Variants in GNPDA1 observed in about 807,000 individuals in gnomAD.
The protein encoded by GNPDA1 is glucosamine-6-phosphate deaminase 1, also known as GNPDA 1.
A neutral mutation model predicts 28.5 loss-of-function variants in GNPDA1; 24 were observed. The observed-to-expected ratio is 0.84, with a 90% CI of 0.61 to 1.19. The LOEUF (loss-of-function observed/expected upper bound fraction) is 1.19, where lower values mean the gene tolerates loss of function less well. Ranked by LOEUF, GNPDA1 falls within the 50% of genes most tolerant of loss-of-function variation. GNPDA1 has a pLI of 0.00. For synonymous variants in GNPDA1, 147 were observed against 139.3 expected (o/e 1.06, Z -0.39); for missense variants, 264 against 367.3 (o/e 0.72, Z 2.30).
chr5:142,012,745 G>A (rs1194643112), intron 1 of GNPDA1: 30 of 965,136 alleles, frequency 3.1e-5, no homozygotes, highest in Non-Finnish European at 3.7e-5. Flanking sequence ...CCAGAAGGAG[G>A]ACATTTTGTT....
rs1274439881 is a variant in GNPDA1 at position 142,001,868 on chromosome 5, C to T, written c.*161G>A. On this transcript the variant is annotated 3_prime_UTR_variant, in exon 7 of 7. Transcript: ENST00000311337. ...CAAACATTCTCCCTATAGCTAAACT[C>T]CGTGACTAGGCTCCCAGCCTCATGG... 1 of 442,930 alleles carries T rather than the reference C, an allele frequency of 2.3e-6. No homozygotes were observed. Among genetic ancestry groups the T allele is most frequent in the Non-Finnish European group, 4.0e-6 (1 of 248,828 alleles). The allele number at this position is 442,930 out of a possible 1,614,324, so 27.4% of individuals were successfully genotyped here. A position where few individuals can be genotyped will look rare whatever the true frequency, so the allele number is the denominator to read the frequency against.
In GNPDA1 at chr5:142,004,966, G is replaced by A. The variant is rs746621093; in HGVS notation, c.560C>T (p.Thr187Met). ...ELTKVPTMALTVGVGTVMDAR... is the reference protein window; with the variant it reads ...ELTKVPTMALMVGVGTVMDAR... ...ATCCATGACAGTGCCCACCCCCACC[G>A]TCAAGGCCATGGTGGGCACCTTGGT... Residue 187 changes from threonine (T) to methionine (M), a missense_variant, in exon 5 of 7, where the codon ACG (threonine) becomes ATG (methionine). Coordinates refer to ENST00000311337, the MANE Select transcript of GNPDA1 (RefSeq NM_005471.5). 22 of 1,610,986 alleles carry A rather than the reference G, an allele frequency of 1.4e-5. No homozygotes were observed. The highest frequency in any genetic ancestry group is 8.8e-5 in the South Asian group (8 of 90,930).
At chr5:142,004,576 A>G (rs1054768418) in intron 5 of GNPDA1, among the ~76,000 whole-genome samples, 37 of 152,358 alleles carry the variant, frequency 2.4e-4, no homozygotes, top group Non-Finnish European at 4.3e-4. Context: ...AACTACAAGG[A>G]ACAAGGGAAC....
At position 142,003,262 on chromosome 5, in the gene GNPDA1, C is replaced by T; in HGVS notation, c.595G>A (p.Val199Met). 1 of 1,605,716 alleles carries T rather than the reference C, an allele frequency of 6.2e-7. No individual in the cohort carries two copies. Among genetic ancestry groups the T allele is most frequent in the Non-Finnish European group, 8.5e-7 (1 of 1,174,508 alleles). The change falls in exon 6 of 7, where the codon GTG becomes ATG. Residue 199 changes from valine (V) to methionine (M), a missense_variant and splice_region_variant. Physicochemically the swap from Val to Met is conservative, Grantham distance 21. Coordinates refer to ENST00000311337, the MANE Select transcript of GNPDA1 (RefSeq NM_005471.5). This position sits in a 1 kb window ranked among gnomAD's most constrained non-coding sequence, Gnocchi z 4.0. ...TGAGCACCTGTGATAAGGATCATCA[C>T]CTGGGGATCAGAAAACAAGTCTGTG... is the stretch of plus-strand genomic sequence containing the variant. ...GVGTVMDAREVMILITGAHKA... is the reference protein window; with the variant it reads ...GVGTVMDAREMMILITGAHKA...
In GNPDA1 at chr5:142,003,198, A is replaced by G; in HGVS notation, c.659T>C (p.Val220Ala). 1 of 1,613,600 alleles carries G rather than the reference A, an allele frequency of 6.2e-7. No homozygotes were observed. Among genetic ancestry groups the G allele is most frequent in the South Asian group, 1.1e-5 (1 of 91,072 alleles). ...FALYKAIEEGVNHMWTVSAFQ... is the reference protein window; with the variant it reads ...FALYKAIEEGANHMWTVSAFQ... The stretch of plus-strand genomic sequence containing the variant: ...GGCAGACACGGTCCACATGTGGTTC[A>G]CTCCCTCCTCGATGGCCTTGTACAG... Residue 220 changes from valine (V) to alanine (A), a missense_variant, in exon 6 of 7, where the codon GTG (valine) becomes GCG (alanine). By Grantham distance (64) the Val-to-Ala change is moderately conservative. Transcript: ENST00000311337. This position sits in a 1 kb window ranked among gnomAD's most constrained non-coding sequence, Gnocchi z 4.0.
Position 142,011,842 on chromosome 5 carries a change from GGT to G in GNPDA1, c.124+68_124+69del, listed in dbSNP as rs779262769. On this transcript the variant is annotated intron_variant, in intron 2 of 6. Transcript: ENST00000311337. ...GTGAAGTCCCTTGGCTGAGTGAGCCGGTGTACCTGGCCCCTGTTGCCTACTCT... is the reference window on the plus strand; with the variant it reads ...GTGAAGTCCCTTGGCTGAGTGAGCCGGTACCTGGCCCCTGTTGCCTACTCT... The G allele has an allele frequency of 5.8e-6, 9 of 1,564,286 alleles. No homozygotes were observed. In the South Asian group the frequency reaches 8.9e-5, roughly 15 times the overall value.
At chr5:142,011,670 A>G (rs112467838) in intron 2 of GNPDA1, among the ~76,000 whole-genome samples, 40 of 152,300 alleles carry the variant, frequency 2.6e-4, no homozygotes, top group African/African-American at 9.1e-4. Flanking sequence ...CCTAAAAATC[A>G]AATTCTTCCT....
chr5:142,004,476 T>C (rs1031257142), intron 5 of GNPDA1, among the ~76,000 whole-genome samples: 3 of 152,254 alleles, frequency 2.0e-5, no homozygotes, highest in African/African-American at 2.4e-5. Flanking sequence ...AAAACACTTA[T>C]ATTTTAATCA....
intron 1 of GNPDA1, 35 bp from the exon 2 acceptor site, chr5:142,012,076 C>G: frequency 6.4e-7 from 1 of 1,566,350 alleles, no homozygotes; most frequent in Non-Finnish European, 8.7e-7. Context: ...AGAAAGGAAT[C>G]AATGGTAAGG....
intron 1 of GNPDA1, chr5:142,012,649 G>C (rs1755992026): frequency 5.1e-6 from 3 of 588,926 alleles, no homozygotes; most frequent in Admixed American, 6.3e-5. Context: ...ACTAGCGGAG[G>C]GGTCTTCCTA....
Position 142,003,802 on chromosome 5 carries a change from G to A in GNPDA1, c.595-540C>T, listed in dbSNP as rs146323454. ...CCTATGAACTAATGTGACTTGGGGT[G>A]ATGGTTTTTGTTAATATATAATAAA... On this transcript the variant is annotated intron_variant, in intron 5 of 6. Coordinates refer to ENST00000311337, the MANE Select transcript of GNPDA1 (RefSeq NM_005471.5). This position sits in a 1 kb window ranked among gnomAD's most constrained non-coding sequence, Gnocchi z 4.0. 2.6e-5 allele frequency among the ~76,000 whole-genome samples: 4 copies of A among 152,202 alleles called. No individual in the cohort carries two copies. The highest frequency in any genetic ancestry group is 9.7e-5 in the African/African-American group (4 of 41,440).
At chr5:142,009,040 A>C (rs372325993) in intron 2 of GNPDA1, among the ~76,000 whole-genome samples, 2 of 150,726 alleles carry the variant, frequency 1.3e-5, no homozygotes, top group African/African-American at 4.9e-5. Context: ...ACTTATTTTC[A>C]TGTGGTTCAG....
chr5:142,004,966 G>T lies in GNPDA1; in HGVS notation c.560C>A (p.Thr187Lys). The T allele has an allele frequency of 6.2e-7, 1 of 1,611,108 alleles. No individual in the cohort carries two copies. The highest frequency in any genetic ancestry group is 8.5e-7 in the Non-Finnish European group (1 of 1,177,632). ...ATCCATGACAGTGCCCACCCCCACC[G>T]TCAAGGCCATGGTGGGCACCTTGGT... Reference protein sequence around the residue: ...ELTKVPTMALTVGVGTVMDAR... With the variant: ...ELTKVPTMALKVGVGTVMDAR... The change falls in exon 5 of 7, where the codon ACG becomes AAG. Residue 187 changes from threonine to lysine, a missense_variant. Physicochemically the swap from Thr to Lys is moderately conservative, Grantham distance 78 (BLOSUM62 -1). Transcript: ENST00000311337.
Position 142,005,296 on chromosome 5 carries a change from T to C in GNPDA1, c.410-180A>G. ...ATGTGATCTGTCCCCCTCCCTACCA[T>C]TTCTTTCTCTTTGCCATACTGTCTC... is the stretch of plus-strand genomic sequence containing the variant. On this transcript the variant is annotated intron_variant, in intron 4 of 6. Coordinates refer to ENST00000311337, the MANE Select transcript of GNPDA1 (RefSeq NM_005471.5). 7 of 495,326 alleles carry C rather than the reference T, an allele frequency of 1.4e-5. No homozygotes were observed. The South Asian group carries it at 2.2e-4, about 16-fold the overall frequency. The allele number at this position is 495,326 out of a possible 1,614,324, so 30.7% of individuals were successfully genotyped here.
In GNPDA1 at chr5:142,005,092, G is replaced by A; in HGVS notation, c.434C>T (p.Ala145Val). 1 of 1,609,882 alleles carries A rather than the reference G, an allele frequency of 6.2e-7. No homozygotes were observed. The highest frequency in any genetic ancestry group is 8.5e-7 in the Non-Finnish European group (1 of 1,176,530). ...VGGIGPDGHIAFNEPGSSLVS... is the reference protein window; with the variant it reads ...VGGIGPDGHIVFNEPGSSLVS... Reference sequence around the variant, plus strand: ...CAGACTGGAGCCTGGCTCGTTGAAGGCAATGTGTCCATCAGGGCCGATGCC... The same window carrying A: ...CAGACTGGAGCCTGGCTCGTTGAAGACAATGTGTCCATCAGGGCCGATGCC... The change falls in exon 5 of 7, where the codon GCC becomes GTC. Residue 145 changes from alanine (A) to valine (V), a missense_variant. Physicochemically the swap from Ala to Val is moderately conservative, Grantham distance 64 (BLOSUM62 0). Coordinates refer to ENST00000311337, the MANE Select transcript of GNPDA1 (RefSeq NM_005471.5).
Position 142,006,387 on chromosome 5 carries a change from G to A in GNPDA1, c.227-61C>T, listed in dbSNP as rs1170892663. 3.1e-6 allele frequency: 4 copies of A among 1,277,706 alleles called. No homozygotes were observed. The African/African-American group carries it at 5.8e-5, about 19-fold the overall frequency. 79.1% of individuals were successfully genotyped at this position (1,277,706 alleles called of 1,614,324 possible). A position where few individuals can be genotyped will look rare whatever the true frequency, so the allele number is the denominator to read the frequency against. The stretch of plus-strand genomic sequence containing the variant: ...CAAGCCAAAGCCCCTCTCCTAAGAA[G>A]GATGCCAGGACACCATGCTGACCTA... On this transcript the variant is annotated intron_variant, in intron 3 of 6. Transcript: ENST00000311337.
At position 142,003,020 on chromosome 5, in the gene GNPDA1, G is replaced by C; in HGVS notation, c.769+68C>G. 1 of 1,319,050 alleles carries C rather than the reference G, an allele frequency of 7.6e-7. No individual in the cohort carries two copies. The highest frequency in any genetic ancestry group is 1.1e-6 in the Non-Finnish European group (1 of 950,552). The allele number at this position is 1,319,050 out of a possible 1,614,324, so 81.7% of individuals were successfully genotyped here. On this transcript the variant is annotated intron_variant, in intron 6 of 6. Coordinates refer to ENST00000311337, the MANE Select transcript of GNPDA1 (RefSeq NM_005471.5). The surrounding 1 kb of genome is among the most constrained non-coding windows in gnomAD (Gnocchi z 4.0). ...TTAAAATGACCAGAGGATGAAAGCT[G>C]GATCTACTCCTTACTCCTAGCACAC...
intron 2 of GNPDA1, among the ~76,000 whole-genome samples, chr5:142,009,595 A>T (rs75669083): frequency 6.6e-6 from 1 of 152,128 alleles, no homozygotes; most frequent in Non-Finnish European, 1.5e-5. Context: ...TGCTGAGTGA[A>T]TGGCAGCTCC....
In GNPDA1 at chr5:142,011,922, C is replaced by T. The variant is rs1229396977; in HGVS notation, c.114G>A (p.Gly38=). 6.2e-7 allele frequency: 1 copy of T among 1,614,006 alleles called. No homozygotes were observed. The highest frequency in any genetic ancestry group is 8.5e-7 in the Non-Finnish European group (1 of 1,179,940). Residue 38 remains glycine (G), a synonymous_variant, in exon 2 of 7, where the codon GGG becomes GGA. Transcript: ENST00000311337. ...NPGPEKYFTL[G]LPTGSTPLGC... The stretch of plus-strand genomic sequence containing the variant: ...CATCCAAGAACGCACCAGTGGGGAG[C>T]CCCAGGGTGAAGTACTTCTCTGGCC...
Sources: gnomAD v4.1 joint callset for allele counts (sites outside exome capture counted in the v4.1 genomes callset) on GRCh38, gnomAD v4.1.1 for gene constraint, Gnocchi (gnomAD v3.1) non-coding constraint, MANE v1.5 for transcripts, NCBI Gene and HGNC (gene_info 2026-07-23, HGNC 2026-07-21) for gene names.